EWSR1: variants seen among roughly 807,000 people sequenced by gnomAD.
EWSR1 encodes EWS RNA binding protein 1.
In EWSR1, 14 loss-of-function variants were observed where a neutral mutation model predicts 92.1. That is an observed-to-expected ratio of 0.15 (90% CI 0.10 to 0.24). The LOEUF (loss-of-function observed/expected upper bound fraction) is 0.24, where lower values mean the gene tolerates loss of function less well. Among genes scored for constraint, EWSR1 ranks in the 10% least tolerant of loss-of-function variants. The pLI is 1.00. For synonymous variants in EWSR1, 303 were observed against 292.9 expected (o/e 1.03, Z -0.35); for missense variants, 637 against 870.9 (o/e 0.73, Z 3.38).
intron 8 of EWSR1, 116 bp downstream of exon 8, chr22:29,288,902 G>A: frequency 9.7e-7 from 1 of 1,028,972 alleles, no homozygotes; most frequent in Non-Finnish European, 1.4e-6. Context: ...TGGACAATCT[G>A]TTGAGCTCAA....
intron 16 of EWSR1, 132 bp downstream of exon 16, chr22:29,299,983 ACCT>A: frequency 1.4e-6 from 2 of 1,425,770 alleles, no homozygotes; most frequent in South Asian, 1.3e-5. Flanking sequence ...AGGAAGGGGC[ACCT>A]GGGGGCTCTG....
At chr22:29,293,234 C>T (rs2060580466) in intron 11 of EWSR1, among the ~76,000 whole-genome samples, 1 of 152,088 alleles carries the variant, frequency 6.6e-6, no homozygotes, top group South Asian at 2.1e-4. Context: ...TCTCTAACTC[C>T]TGGCCACCTC....
chr22:29,279,721 G>A (rs1479608806), intron 5 of EWSR1, among the ~76,000 whole-genome samples: 1 of 152,236 alleles, frequency 6.6e-6, no homozygotes, highest in Non-Finnish European at 1.5e-5. Flanking sequence ...CTTTTAAAAT[G>A]CACAGTGAGT....
rs763891431 is a variant in EWSR1, at chr22:29,297,858, C to T, written c.1326C>T (p.Val442=). The part of the protein sequence containing the change: ...GKDFQGSKLK[V]SLARKKPPMN... Reference sequence around the variant, plus strand: ...ATTTTCAAGGGAGCAAACTTAAAGTCTCCCTTGCTCGGAAGAAGCCTCCAA... The same window carrying T: ...ATTTTCAAGGGAGCAAACTTAAAGTTTCCCTTGCTCGGAAGAAGCCTCCAA... The change falls in exon 13 of 17, where the codon GTC becomes GTT. Residue 442 remains valine, a synonymous_variant. Coordinates refer to ENST00000397938, the MANE Select transcript of EWSR1 (RefSeq NM_005243.4). The T allele has an allele frequency of 6.2e-7, 1 of 1,614,032 alleles. No individual in the cohort carries two copies. The highest frequency in any genetic ancestry group is 1.7e-5 in the Admixed American group (1 of 60,010).
rs777431811 is a variant in EWSR1, at chr22:29,292,529, A to G, written c.1087A>G (p.Ile363Val). 1.9e-6 allele frequency: 3 copies of G among 1,613,986 alleles called. No individual in the cohort carries two copies. Among genetic ancestry groups the G allele is most frequent in the East Asian group, 4.5e-5 (2 of 44,862 alleles). ...DPDEDSDNSA[I>V]YVQGLNDSVT... is the part of the protein sequence containing the mutation. The stretch of plus-strand genomic sequence containing the variant: ...AGATGAAGACTCTGACAACAGTGCA[A>G]TTTATGTACAAGGATTAAATGACAG... Residue 363 changes from isoleucine (I) to valine (V), a missense_variant, in exon 11 of 17, where the codon ATT (isoleucine) becomes GTT (valine). Ile to Val is a conservative substitution (Grantham distance 29, BLOSUM62 3). This residue lies in a region of EWSR1 where 363 missense variants were observed against 447.8 expected (regional missense o/e 0.81). Coordinates refer to ENST00000397938, the MANE Select transcript of EWSR1 (RefSeq NM_005243.4).
At chr22:29,287,594 A>G (rs1208574153) in intron 7 of EWSR1, among the ~76,000 whole-genome samples, 1 of 152,140 alleles carries the variant, frequency 6.6e-6, no homozygotes. Context: ...ATGGCATTCC[A>G]GCTAACATCT....
At chr22:29,272,133 G>A in intron 1 of EWSR1, 83 bp from the exon 2 acceptor site, 1 of 1,274,354 alleles carries the variant, frequency 7.8e-7, no homozygotes. Flanking sequence ...AATTCTTCCT[G>A]CCACGTGAAT....
intron 3 of EWSR1, among the ~76,000 whole-genome samples, 160 bp downstream of exon 3, chr22:29,272,591 A>G (rs2058766657): frequency 6.6e-6 from 1 of 152,230 alleles, no homozygotes; most frequent in African/African-American, 2.4e-5. Flanking sequence ...GAAGGACTCC[A>G]TTGTGCCATC....
chr22:29,288,644 T>C lies in EWSR1; in HGVS notation c.832T>C (p.Tyr278His), dbSNP rs1224543166. Residue 278 changes from tyrosine to histidine, a missense_variant, in exon 8 of 17, where the codon TAT becomes CAT. Transcript: ENST00000397938. ...GGACCACCCCAGTAGCATGGGTGTT[T>C]ATGGGCAGGAGTCTGGAGGATTTTC... ...RQDHPSSMGV[Y>H]GQESGGFSGP... 1.2e-6 allele frequency: 2 copies of C among 1,613,348 alleles called. No individual in the cohort carries two copies. The highest frequency in any genetic ancestry group is 8.5e-7 in the Non-Finnish European group (1 of 1,179,816).
At chr22:29,292,451 CATG>C in intron 10 of EWSR1, 34 bp from the exon 11 acceptor site, 1 of 1,379,610 alleles carries the variant, frequency 7.2e-7, no homozygotes, top group East Asian at 2.3e-5. Context: ...CCTATAGATA[CATG>C]ATAATAATTC....
chr22:29,278,212 A>G lies in EWSR1; in HGVS notation c.409A>G (p.Thr137Ala), dbSNP rs149885670. ...YGQQPAATAP[T>A]RPQDGNKPTE... The stretch of plus-strand genomic sequence containing the variant: ...GCAGCAGCCAGCAGCCACTGCACCT[A>G]CAAGGTAAGGCCATGGTGTCCTTAA... Residue 137 changes from threonine (T) to alanine (A), a missense_variant, in exon 5 of 17, where the codon ACA becomes GCA. Thr to Ala is a moderately conservative substitution (Grantham distance 58, BLOSUM62 0). Transcript: ENST00000397938. The G allele has an allele frequency of 1.9e-6, 3 of 1,613,766 alleles. No individual in the cohort carries two copies. The African/African-American group carries it at 4.0e-5, about 22-fold the overall frequency.
intron 4 of EWSR1, chr22:29,276,897 C>G (rs1013424489): frequency 1.3e-5 from 3 of 231,458 alleles, no homozygotes; most frequent in African/African-American, 6.6e-5. Flanking sequence ...AGCAGTCCTC[C>G]CACCTCAGCC....
At chr22:29,283,671 G>A (rs1340311781) in intron 6 of EWSR1, among the ~76,000 whole-genome samples, 1 of 147,382 alleles carries the variant, frequency 6.8e-6, no homozygotes, top group Non-Finnish European at 1.5e-5. Context: ...GATTACAAGT[G>A]CTCACTACCA....
chr22:29,297,008 C>G (rs2060913582), intron 12 of EWSR1, among the ~76,000 whole-genome samples: 1 of 152,214 alleles, frequency 6.6e-6, no homozygotes, highest in Non-Finnish European at 1.5e-5. Flanking sequence ...TGAGATTGCA[C>G]CACTGCACTC....
intron 12 of EWSR1, 82 bp from the exon 13 acceptor site, chr22:29,297,745 G>C: frequency 6.4e-7 from 1 of 1,562,472 alleles, no homozygotes; most frequent in South Asian, 1.1e-5. Flanking sequence ...TAATGCATCT[G>C]GGAGTGGTCA....
chr22:29,279,494 T>C (rs994996347), intron 5 of EWSR1, among the ~76,000 whole-genome samples: 1 of 152,246 alleles, frequency 6.6e-6, no homozygotes, highest in African/African-American at 2.4e-5. Flanking sequence ...GCAGAGCTCA[T>C]ACCCCATGAC....
intron 6 of EWSR1, among the ~76,000 whole-genome samples, chr22:29,285,607 CTTTGAGGGAAAACTACTATT>C (rs2147294008): frequency 6.6e-6 from 1 of 151,446 alleles, no homozygotes; most frequent in Non-Finnish European, 1.5e-5. Flanking sequence ...AAAGACAAAT[CTTTGAGGGAAAACTACTATT>C]TTTGTGTTGA....
At chr22:29,272,358 A>G in intron 2 of EWSR1, 22 bp from the exon 3 acceptor site, 2 of 1,613,948 alleles carry the variant, frequency 1.2e-6, no homozygotes, top group Non-Finnish European at 1.7e-6. Flanking sequence ...TATTCAAGTT[A>G]TTGCATTTAA....
At chr22:29,297,116 T>C (rs1379742671) in intron 12 of EWSR1, among the ~76,000 whole-genome samples, 1 of 152,194 alleles carries the variant, frequency 6.6e-6, no homozygotes, top group African/African-American at 2.4e-5. Context: ...TCCCACCAGC[T>C]TATTTTCCTC....
Sources: gnomAD v4.1 joint callset for allele counts (sites outside exome capture counted in the v4.1 genomes callset) on GRCh38, gnomAD v4.1.1 for gene constraint, gnomAD v4.1.1 regional missense constraint, MANE v1.5 for transcripts, NCBI Gene and HGNC (gene_info 2026-07-23, HGNC 2026-07-21) for gene names.